Variants in PCP4 observed in about 807,000 individuals in gnomAD.
The protein encoded by PCP4 is calmodulin regulator protein PCP4.
Under a neutral mutation model 10.0 loss-of-function variants are expected in PCP4, and 8 were observed. That is an observed-to-expected ratio of 0.80 (90% CI 0.47 to 1.45). The LOEUF (loss-of-function observed/expected upper bound fraction) is 1.45. Among genes scored for constraint, PCP4 ranks in the 40% most tolerant of loss-of-function variants. PCP4 has a pLI of 0.00. For missense variants in PCP4, 54 were observed against 74.4 expected, an observed-to-expected ratio of 0.73 and a Z score of 1.01; for synonymous variants, 21 against 23.0, an observed-to-expected ratio of 0.91 and a Z score of 0.24.
chr21:39,874,859 C>A (rs1479602043), intron 1 of PCP4, among the ~76,000 whole-genome samples: 1 of 152,090 alleles, frequency 6.6e-6, no homozygotes, highest in Non-Finnish European at 1.5e-5. Flanking sequence ...ACATGCTATG[C>A]TTTTTCCATC....
intron 1 of PCP4, among the ~76,000 whole-genome samples, chr21:39,879,450 C>CT (rs1293718949): frequency 6.6e-6 from 1 of 152,160 alleles, no homozygotes; most frequent in Admixed American, 6.5e-5. Flanking sequence ...CATGTCATCA[C>CT]TTTTTTTCTG....
intron 1 of PCP4, among the ~76,000 whole-genome samples, chr21:39,878,924 T>C (rs1466850287): frequency 6.6e-6 from 1 of 152,176 alleles, no homozygotes; most frequent in African/African-American, 2.4e-5. Flanking sequence ...TTTCTGGAAA[T>C]GTTCTATACC....
intron 1 of PCP4, among the ~76,000 whole-genome samples, chr21:39,869,742 G>T (rs902830961): frequency 6.6e-6 from 1 of 152,178 alleles, no homozygotes. Context: ...CTCCTTTCTG[G>T]GTAGAGAACT....
intron 2 of PCP4, among the ~76,000 whole-genome samples, 162 bp from the exon 3 acceptor site, chr21:39,928,822 C>T (rs527504846): frequency 5.9e-4 from 89 of 152,008 alleles, no homozygotes; most frequent in African/African-American, 2.1e-3. Flanking sequence ...CAAAACACTC[C>T]ACTGGATTTT....
At chr21:39,876,424 A>G (rs746323265) in intron 1 of PCP4, among the ~76,000 whole-genome samples, 2 of 152,186 alleles carry the variant, frequency 1.3e-5, no homozygotes, top group Non-Finnish European at 2.9e-5. Flanking sequence ...AGGTTCATCT[A>G]TGTTGTGGCC....
chr21:39,916,027 C>T (rs1210406584), intron 2 of PCP4: 2 of 152,192 alleles, frequency 1.3e-5, no homozygotes, highest in African/African-American at 4.8e-5. Context: ...CTCTATCCCT[C>T]CAATCAGCCT....
intron 2 of PCP4, among the ~76,000 whole-genome samples, chr21:39,922,522 A>G (rs753435765): frequency 4.6e-5 from 7 of 152,224 alleles, no homozygotes; most frequent in Non-Finnish European, 1.5e-5. Context: ...AGGTCATGGC[A>G]GAACTGAATC....
At chr21:39,895,797 T>C (rs1474012488) in intron 1 of PCP4, among the ~76,000 whole-genome samples, 1 of 152,022 alleles carries the variant, frequency 6.6e-6, no homozygotes, top group Non-Finnish European at 1.5e-5. Flanking sequence ...CTCTCCAGTA[T>C]AAATTCAGTG....
At chr21:39,870,267 C>T (rs1371295692) in intron 1 of PCP4, among the ~76,000 whole-genome samples, 3 of 152,232 alleles carry the variant, frequency 2.0e-5, no homozygotes, top group Non-Finnish European at 2.9e-5. Flanking sequence ...TAAAGTACAG[C>T]GAGGAAAGTA....
chr21:39,870,106 C>T (rs542527815), intron 1 of PCP4, among the ~76,000 whole-genome samples: 1 of 152,368 alleles, frequency 6.6e-6, no homozygotes, highest in South Asian at 2.1e-4. Flanking sequence ...ACTTCCAGGC[C>T]TCCCCGCCTT....
At chr21:39,893,219 G>T (rs1277102371) in intron 1 of PCP4, among the ~76,000 whole-genome samples, 1 of 152,148 alleles carries the variant, frequency 6.6e-6, no homozygotes. Context: ...GGGAAACCCA[G>T]ACTAATATAT....
In PCP4 at chr21:39,906,427, A is replaced by T. The variant is rs969815714; in HGVS notation, c.61+7900A>T. On this transcript the variant is annotated intron_variant, in intron 2 of 2. Transcript: ENST00000328619. This position sits in a 1 kb window ranked among gnomAD's most constrained non-coding sequence, Gnocchi z 6.3. ...GGCAAATAGGGGTGATCTCAGACTA[A>T]TAATAGGGACAGCCATGATAGTTTT... Among the ~76,000 whole-genome samples, 1 of 152,226 alleles carries T rather than the reference A, an allele frequency of 6.6e-6. No homozygotes were observed. The highest frequency in any genetic ancestry group is 1.5e-5 in the Non-Finnish European group (1 of 68,042).
At chr21:39,878,127 A>G (rs540117429) in intron 1 of PCP4, among the ~76,000 whole-genome samples, 8 of 152,234 alleles carry the variant, frequency 5.3e-5, no homozygotes, top group Admixed American at 4.6e-4. Context: ...GTAGGGGGAG[A>G]CAGAATCACA....
At chr21:39,912,908 G>A (rs2087547950) in intron 2 of PCP4, among the ~76,000 whole-genome samples, 1 of 152,050 alleles carries the variant, frequency 6.6e-6, no homozygotes, top group Non-Finnish European at 1.5e-5. Flanking sequence ...GTCTAACTAT[G>A]TTGCGCAGGC....
intron 1 of PCP4, among the ~76,000 whole-genome samples, chr21:39,893,508 TTGGCACG>T (rs1436797545): frequency 6.6e-6 from 1 of 152,226 alleles, no homozygotes; most frequent in East Asian, 1.9e-4. Context: ...TGTGAATTGC[TTGGCACG>T]TGTTTAAGAA....
At chr21:39,925,995 G>C in intron 2 of PCP4, 1 of 455,982 alleles carries the variant, frequency 2.2e-6, no homozygotes, top group Admixed American at 2.3e-5. Flanking sequence ...CAGACCATTT[G>C]TACTGAACCC....
At chr21:39,911,122 C>A (rs1163727078) in intron 2 of PCP4, among the ~76,000 whole-genome samples, 1 of 151,846 alleles carries the variant, frequency 6.6e-6, no homozygotes, top group African/African-American at 2.4e-5. Context: ...CATGAGTCCA[C>A]AGGAGAAATA....
At chr21:39,886,696 C>T (rs1312702772) in intron 1 of PCP4, among the ~76,000 whole-genome samples, 1 of 152,158 alleles carries the variant, frequency 6.6e-6, no homozygotes, top group Non-Finnish European at 1.5e-5. Flanking sequence ...CTGGACATTT[C>T]ACTGTGAAAT....
At chr21:39,868,961 G>A (rs2087306746) in intron 1 of PCP4, among the ~76,000 whole-genome samples, 1 of 152,124 alleles carries the variant, frequency 6.6e-6, no homozygotes, top group Admixed American at 6.5e-5. Flanking sequence ...TGATGAGGAT[G>A]AGACCTCCAT....
Sources: allele counts gnomAD v4.1 joint callset (sites outside exome capture counted in the v4.1 genomes callset), GRCh38; gene constraint gnomAD v4.1.1; non-coding constraint Gnocchi (gnomAD v3.1); transcripts MANE v1.5; gene names NCBI Gene and HGNC (gene_info 2026-07-23, HGNC 2026-07-21).